The following MYO1D variants were observed in gnomAD, a reference collection of about 807,000 sequenced individuals.
MYO1D encodes the protein myosin ID.
Under a neutral mutation model 122.0 loss-of-function variants are expected in MYO1D, and 83 were observed. The ratio of observed to expected loss-of-function variants is 0.68; its 90% CI spans 0.57 to 0.82. The LOEUF (loss-of-function observed/expected upper bound fraction) is 0.82. MYO1D is among the 40% of genes least tolerant of loss of function. The pLI, the probability that MYO1D is intolerant of heterozygous loss-of-function variation, is 0.00. For missense variants in MYO1D, 1,157 were observed against 1,269.5 expected (o/e 0.91, Z 1.35); for synonymous variants, 464 against 446.9 (o/e 1.04, Z -0.48).
chr17:32,766,229 G>C lies in MYO1D; in HGVS notation c.832-1148C>G, dbSNP rs1195978662. Among the ~76,000 whole-genome samples the C allele has an allele frequency of 2.0e-5, 3 of 152,096 alleles. No individual in the cohort carries two copies. The East Asian group carries it at 5.8e-4, about 29-fold the overall frequency. On this transcript the variant is annotated intron_variant, in intron 7 of 21. Coordinates refer to ENST00000318217, the MANE Select transcript of MYO1D (RefSeq NM_015194.3). ...ATATGTTAAATCTCCTCAAGTGTTT[G>C]AGTCTATTTATATTCCACTCATTCA...
chr17:32,555,438 T>G (rs572656642), intron 21 of MYO1D, among the ~76,000 whole-genome samples: 2 of 151,548 alleles, frequency 1.3e-5, no homozygotes, highest in South Asian at 4.2e-4. Flanking sequence ...GGTTTGAATG[T>G]GTGCTTCCAG....
At chr17:32,608,807 G>A (rs552330609) in intron 20 of MYO1D, among the ~76,000 whole-genome samples, 2 of 152,262 alleles carry the variant, frequency 1.3e-5, no homozygotes, top group South Asian at 2.1e-4. Flanking sequence ...ATAATGGAAC[G>A]CTACTCAGCA....
intron 21 of MYO1D, chr17:32,594,316 T>A (rs932150011): frequency 4.7e-5 from 18 of 379,090 alleles, no homozygotes; most frequent in Admixed American, 4.1e-4. Context: ...CAGTAAATTC[T>A]GCACACTGAG....
chr17:32,851,478 A>G (rs911610986), intron 1 of MYO1D, among the ~76,000 whole-genome samples: 7 of 152,172 alleles, frequency 4.6e-5, no homozygotes, highest in African/African-American at 1.7e-4. Context: ...CCTTCTATCA[A>G]ATAGTCCATA....
chr17:32,548,369 A>G (rs1221774029), intron 21 of MYO1D, among the ~76,000 whole-genome samples: 2 of 151,882 alleles, frequency 1.3e-5, no homozygotes, highest in Admixed American at 1.3e-4. Context: ...AGGAGGTTGC[A>G]ATGAGCCAAG....
At chr17:32,548,503 T>C (rs549910741) in intron 21 of MYO1D, among the ~76,000 whole-genome samples, 4 of 151,566 alleles carry the variant, frequency 2.6e-5, no homozygotes, top group Admixed American at 2.6e-4. Context: ...AGAAGGGGCC[T>C]AATAAGAAGG....
At chr17:32,798,884 T>C (rs913036346) in intron 1 of MYO1D, among the ~76,000 whole-genome samples, 1 of 152,206 alleles carries the variant, frequency 6.6e-6, no homozygotes, top group Admixed American at 6.5e-5. Flanking sequence ...TTCTTTTTAT[T>C]TATACTTATT....
chr17:32,523,367 A>G (rs1237286753), intron 21 of MYO1D: 1 of 152,230 alleles, frequency 6.6e-6, no homozygotes. Flanking sequence ...AATTGTCAAG[A>G]GCACTTAGGG....
Position 32,620,078 on chromosome 17 carries a change from C to G in MYO1D, c.2710-14837G>C, listed in dbSNP as rs552344612. Among the ~76,000 whole-genome samples the G allele has an allele frequency of 3.3e-4, 50 of 152,312 alleles. 1 individual carries two copies. Among genetic ancestry groups the G allele is most frequent in the African/African-American group, 1.1e-3 (46 of 41,572 alleles). ...GATGGGAGTGGAAGTCCAGGCCCCT[C>G]AACATGGCTTCCATTGACACCGCTC... On this transcript the variant is annotated intron_variant, in intron 20 of 21. Transcript: ENST00000318217.
intron 20 of MYO1D, among the ~76,000 whole-genome samples, chr17:32,618,091 T>G (rs945700367): frequency 5.9e-5 from 9 of 152,188 alleles, no homozygotes; most frequent in Admixed American, 5.2e-4. Flanking sequence ...GATCACATGA[T>G]CCAAACATCA....
chr17:32,816,447 T>C (rs1256018024), intron 1 of MYO1D, among the ~76,000 whole-genome samples: 1 of 152,232 alleles, frequency 6.6e-6, no homozygotes, highest in Non-Finnish European at 1.5e-5. Context: ...CAATGTTATT[T>C]ACTTTTCGTC....
chr17:32,598,133 C>T (rs2087520108), intron 21 of MYO1D, among the ~76,000 whole-genome samples: 1 of 151,982 alleles, frequency 6.6e-6, no homozygotes, highest in African/African-American at 2.4e-5. Flanking sequence ...CAGCACTTTG[C>T]GGGGCCAGGG....
chr17:32,526,927 C>T (rs1202371954), intron 21 of MYO1D, among the ~76,000 whole-genome samples: 1 of 152,242 alleles, frequency 6.6e-6, no homozygotes. Flanking sequence ...ATCCTTCTTA[C>T]AGTAGAGAGG....
chr17:32,726,642 T>A (rs2089577751), intron 14 of MYO1D, among the ~76,000 whole-genome samples: 1 of 149,320 alleles, frequency 6.7e-6, no homozygotes, highest in Admixed American at 6.7e-5. Context: ...ATAATATAGA[T>A]CATATAGGTA....
chr17:32,571,950 G>A (rs899166818), intron 21 of MYO1D, among the ~76,000 whole-genome samples: 4 of 152,010 alleles, frequency 2.6e-5, no homozygotes, highest in Admixed American at 6.6e-5. Flanking sequence ...ATAACAGGCT[G>A]ATATTACCTT....
At chr17:32,641,187 T>C (rs1470912200) in intron 19 of MYO1D, among the ~76,000 whole-genome samples, 6 of 150,982 alleles carry the variant, frequency 4.0e-5, no homozygotes, top group Non-Finnish European at 7.4e-5. Flanking sequence ...CATGTGGTGT[T>C]TGCTTTTTTG....
chr17:32,724,560 T>C (rs534270937), intron 14 of MYO1D, among the ~76,000 whole-genome samples: 4 of 152,278 alleles, frequency 2.6e-5, no homozygotes, highest in Non-Finnish European at 5.9e-5. Flanking sequence ...AGGCTGCCTT[T>C]TTTTCCTGGG....
intron 1 of MYO1D, among the ~76,000 whole-genome samples, chr17:32,810,426 A>G (rs553764926): frequency 6.6e-6 from 1 of 151,322 alleles, no homozygotes; most frequent in Non-Finnish European, 1.5e-5. Context: ...AAAATTCCTG[A>G]TCTCTGTTTC....
chr17:32,501,732 C>T (rs1213743899), intron 21 of MYO1D, among the ~76,000 whole-genome samples: 2 of 152,218 alleles, frequency 1.3e-5, no homozygotes, highest in Admixed American at 6.5e-5. Context: ...CACACCTTGC[C>T]CTGTCTGTCT....
Sources: gnomAD v4.1 joint callset for allele counts (sites outside exome capture counted in the v4.1 genomes callset) on GRCh38, gnomAD v4.1.1 for gene constraint, MANE v1.5 for transcripts, NCBI Gene and HGNC (gene_info 2026-07-23, HGNC 2026-07-21) for gene names.